Variants in SHLD1 observed in about 807,000 individuals in gnomAD.
The protein encoded by SHLD1 is shieldin complex subunit 1.
In SHLD1, 3 loss-of-function variants were observed where a neutral mutation model predicts 5.5. That is an observed-to-expected ratio of 0.54 (90% CI 0.25 to 1.40). The LOEUF (loss-of-function observed/expected upper bound fraction) is 1.40. SHLD1 is among the 40% of genes most tolerant of loss of function. The probability of loss-of-function intolerance (pLI) is 0.15; values close to 1 mark genes in which losing one functional copy is unlikely to be tolerated. For synonymous variants in SHLD1, 92 were observed against 94.3 expected, an observed-to-expected ratio of 0.98 and a Z score of 0.14; for missense variants, 210 against 244.4, an observed-to-expected ratio of 0.86 and a Z score of 0.94.
chr20:5,843,547 T>G (rs2087892795), intron 2 of SHLD1, among the ~76,000 whole-genome samples: 1 of 152,194 alleles, frequency 6.6e-6, no homozygotes, highest in Admixed American at 6.6e-5. Flanking sequence ...CTAGGCTTTG[T>G]GTCCTGAACC....
chr20:5,835,954 A>G (rs1432820934), intron 2 of SHLD1, among the ~76,000 whole-genome samples: 1 of 152,234 alleles, frequency 6.6e-6, no homozygotes, highest in African/African-American at 2.4e-5. Flanking sequence ...TTCATGCCTC[A>G]ATCTACTAAC....
Position 5,789,881 on chromosome 20 carries a change from C to T in SHLD1, c.178+16838C>T, listed in dbSNP as rs78917088. 6.7e-3 allele frequency among the ~76,000 whole-genome samples: 1,014 copies of T among 152,186 alleles called. 10 individuals carry two copies. Among genetic ancestry groups the T allele is most frequent in the African/African-American group, 0.023 (954 of 41,510 alleles). ...GCAACCTAGCAACAAGAAGGTGGCC[C>T]GGGACCTTCTCCCCAGGACTGACAG... On this transcript the variant is annotated intron_variant, in intron 2 of 2. Coordinates refer to ENST00000303142, the MANE Select transcript of SHLD1 (RefSeq NM_152504.4).
At chr20:5,752,168 G>C (rs1983789064) in intron 1 of SHLD1, among the ~76,000 whole-genome samples, 1 of 152,092 alleles carries the variant, frequency 6.6e-6, no homozygotes, top group Non-Finnish European at 1.5e-5. Context: ...GGCCGTGGCA[G>C]GCAGATCACT....
chr20:5,791,460 G>A (rs2087138319), intron 2 of SHLD1, among the ~76,000 whole-genome samples: 2 of 149,514 alleles, frequency 1.3e-5, no homozygotes, highest in African/African-American at 4.9e-5. Context: ...GCTACTTCGG[G>A]AACTGAGCTG....
chr20:5,760,982 A>C (rs566054005), intron 1 of SHLD1, among the ~76,000 whole-genome samples: 1 of 152,162 alleles, frequency 6.6e-6, no homozygotes, highest in East Asian at 1.9e-4. Context: ...GGGTGTGATG[A>C]AAGGACAAAA....
At chr20:5,785,159 C>A (rs6133263) in intron 2 of SHLD1, among the ~76,000 whole-genome samples, 3 of 152,210 alleles carry the variant, frequency 2.0e-5, no homozygotes, top group Admixed American at 6.5e-5. Flanking sequence ...GACACCGTCA[C>A]TAGTTTCATT....
chr20:5,758,581 G>A (rs1984273873), intron 1 of SHLD1, among the ~76,000 whole-genome samples: 1 of 151,900 alleles, frequency 6.6e-6, no homozygotes. Flanking sequence ...ATCATGCCTG[G>A]CTAATTTTTG....
At chr20:5,818,096 A>AT (rs551067233) in intron 2 of SHLD1, among the ~76,000 whole-genome samples, 11 of 137,740 alleles carry the variant, frequency 8.0e-5, no homozygotes, top group Middle Eastern at 3.8e-3. Context: ...TTATTTTTTT[A>AT]TTTTTTTTGA....
intron 2 of SHLD1, among the ~76,000 whole-genome samples, chr20:5,816,248 G>A (rs2087529739): frequency 6.6e-6 from 1 of 152,038 alleles, no homozygotes; most frequent in South Asian, 2.1e-4. Flanking sequence ...TATTGTAAAT[G>A]TAGTTCCAAA....
chr20:5,818,135 G>A (rs761616526), intron 2 of SHLD1, among the ~76,000 whole-genome samples: 2 of 151,092 alleles, frequency 1.3e-5, no homozygotes, highest in South Asian at 4.2e-4. Context: ...GAGTGCAGTA[G>A]CACTATCTCG....
At chr20:5,811,196 A>G (rs1188188670) in intron 2 of SHLD1, among the ~76,000 whole-genome samples, 1 of 152,172 alleles carries the variant, frequency 6.6e-6, no homozygotes, top group African/African-American at 2.4e-5. Context: ...GCCACAGCTC[A>G]GAGAGATGTC....
At chr20:5,760,134 G>C (rs1290509776) in intron 1 of SHLD1, among the ~76,000 whole-genome samples, 2 of 152,164 alleles carry the variant, frequency 1.3e-5, no homozygotes, top group Non-Finnish European at 2.9e-5. Context: ...ATTTGGGTAT[G>C]TTGAAGAGTT....
intron 2 of SHLD1, among the ~76,000 whole-genome samples, chr20:5,821,531 CAAAA>C: frequency 6.6e-6 from 1 of 151,638 alleles, no homozygotes; most frequent in East Asian, 1.9e-4. Context: ...CAAAACAAAA[CAAAA>C]AAACTTGATT....
intron 2 of SHLD1, among the ~76,000 whole-genome samples, chr20:5,781,820 C>T (rs1202535953): frequency 6.6e-6 from 1 of 152,176 alleles, no homozygotes; most frequent in Non-Finnish European, 1.5e-5. Flanking sequence ...AATCAAAAAG[C>T]TCCTCTGCCT....
At chr20:5,836,586 TA>T (rs1042499701) in intron 2 of SHLD1, among the ~76,000 whole-genome samples, 46 of 152,332 alleles carry the variant, frequency 3.0e-4, no homozygotes, top group African/African-American at 9.6e-4. Flanking sequence ...CTACCCCGGA[TA>T]TTCGCATTGC....
rs552811239 is a variant in SHLD1 at position 5,803,666 on chromosome 20, C to T, written c.178+30623C>T. 7.9e-5 allele frequency among the ~76,000 whole-genome samples: 12 copies of T among 151,462 alleles called. 1 individual carries two copies. Among genetic ancestry groups the T allele is most frequent in the Non-Finnish European group, 1.8e-4 (12 of 67,812 alleles). On this transcript the variant is annotated intron_variant, in intron 2 of 2. Transcript: ENST00000303142. ...CAGGCAGATCACAAGGTCAAGAGAT[C>T]GAGACCATCCTGGTCAACATGGTGA...
intron 2 of SHLD1, among the ~76,000 whole-genome samples, chr20:5,796,135 A>C (rs922611884): frequency 6.6e-5 from 10 of 152,194 alleles, no homozygotes; most frequent in African/African-American, 1.9e-4. Context: ...TTACTTAAGG[A>C]ATAGAAATTA....
At chr20:5,823,155 C>T (rs1297201033) in intron 2 of SHLD1, among the ~76,000 whole-genome samples, 2 of 151,940 alleles carry the variant, frequency 1.3e-5, no homozygotes, top group African/African-American at 4.8e-5. Flanking sequence ...GATACCTGTT[C>T]TTCCCTTGGC....
intron 1 of SHLD1, among the ~76,000 whole-genome samples, chr20:5,757,931 A>G (rs1166338044): frequency 1.3e-5 from 2 of 152,122 alleles, no homozygotes; most frequent in Non-Finnish European, 2.9e-5. Flanking sequence ...ATGTTAAAAC[A>G]ACTTTGAATT....
Sources: allele counts gnomAD v4.1 joint callset (sites outside exome capture counted in the v4.1 genomes callset), GRCh38; gene constraint gnomAD v4.1.1; transcripts MANE v1.5; gene names NCBI Gene and HGNC (gene_info 2026-07-23, HGNC 2026-07-21).